DGKB: variants seen among roughly 807,000 people sequenced by gnomAD.
DGKB encodes the protein diacylglycerol kinase beta, also known as 90 kDa diacylglycerol kinase.
DGKB carries 67 observed loss-of-function variants against 114.3 expected under a neutral mutation model. The ratio of observed to expected loss-of-function variants is 0.59; its 90% confidence interval spans 0.48 to 0.72. The LOEUF (loss-of-function observed/expected upper bound fraction) is 0.72. DGKB is among the 30% of genes least tolerant of loss of function. The pLI is 0.00. For missense variants in DGKB, 907 were observed against 975.2 expected (o/e 0.93, Z 0.93); for synonymous variants, 398 against 323.1 (o/e 1.23, Z -2.49).
chr7:14,922,574 G>A (rs1278762143), intron 1 of DGKB, among the ~76,000 whole-genome samples: 1 of 151,996 alleles, frequency 6.6e-6, no homozygotes, highest in African/African-American at 2.4e-5. Flanking sequence ...TAACAGCAGG[G>A]TTTAGAAGAC....
At chr7:14,570,267 G>C (rs774448711) in intron 20 of DGKB, among the ~76,000 whole-genome samples, 3 of 151,724 alleles carry the variant, frequency 2.0e-5, no homozygotes, top group Non-Finnish European at 4.4e-5. Flanking sequence ...CTAACATTAC[G>C]AATTTTTGTT....
chr7:14,740,745 T>C (rs1175699703), intron 4 of DGKB, among the ~76,000 whole-genome samples: 1 of 152,024 alleles, frequency 6.6e-6, no homozygotes, highest in Non-Finnish European at 1.5e-5. Context: ...AGGCTACTTA[T>C]AGCAGGGGGA....
At chr7:14,885,531 G>A (rs1298714528) in intron 1 of DGKB, among the ~76,000 whole-genome samples, 1 of 151,742 alleles carries the variant, frequency 6.6e-6, no homozygotes, top group African/African-American at 2.4e-5. Flanking sequence ...GAAGGAGAAT[G>A]CAAGGAGTGT....
intron 23 of DGKB, among the ~76,000 whole-genome samples, chr7:14,249,316 G>A (rs1036112384): frequency 6.6e-6 from 1 of 152,134 alleles, no homozygotes; most frequent in African/African-American, 2.4e-5. Context: ...TTCTTGTAGT[G>A]TTTTTATCTG....
At chr7:14,720,819 A>C (rs1829049393) in intron 5 of DGKB, among the ~76,000 whole-genome samples, 1 of 151,796 alleles carries the variant, frequency 6.6e-6, no homozygotes. Flanking sequence ...GAACCAAAGA[A>C]GGCAGGGAAT....
chr7:14,753,599 T>C (rs986176818), intron 4 of DGKB, among the ~76,000 whole-genome samples: 2 of 152,156 alleles, frequency 1.3e-5, no homozygotes, highest in Non-Finnish European at 2.9e-5. Context: ...ATTAAGACTT[T>C]TACTAAATAA....
chr7:14,591,738 G>A (rs998735059), intron 17 of DGKB, among the ~76,000 whole-genome samples: 2 of 152,022 alleles, frequency 1.3e-5, no homozygotes, highest in Non-Finnish European at 2.9e-5. Context: ...CAAAAGAGCA[G>A]GTGGTGAAAT....
chr7:14,877,752 A>AT (rs987936646), intron 1 of DGKB, among the ~76,000 whole-genome samples: 1 of 152,188 alleles, frequency 6.6e-6, no homozygotes, highest in Admixed American at 6.5e-5. Context: ...TTGACTTCAA[A>AT]TTTTAACCTT....
intron 25 of DGKB, among the ~76,000 whole-genome samples, chr7:14,167,478 T>G (rs924504761): frequency 6.6e-6 from 1 of 151,942 alleles, no homozygotes; most frequent in Non-Finnish European, 1.5e-5. Flanking sequence ...AGAAACAATA[T>G]GAGAGCCCTG....
chr7:14,652,310 T>C (rs374584206), intron 13 of DGKB, among the ~76,000 whole-genome samples: 6 of 152,188 alleles, frequency 3.9e-5, no homozygotes, highest in South Asian at 4.1e-4. Flanking sequence ...AGATATAGAT[T>C]AATGGAACAG....
intron 20 of DGKB, among the ~76,000 whole-genome samples, chr7:14,479,277 A>G (rs1339940081): frequency 1.3e-5 from 2 of 152,174 alleles, no homozygotes; most frequent in Admixed American, 1.3e-4. Context: ...AAGTCTAATG[A>G]ATGAAATGAA....
intron 1 of DGKB, among the ~76,000 whole-genome samples, chr7:14,949,053 C>T (rs770670521): frequency 2.6e-4 from 39 of 151,748 alleles, no homozygotes; most frequent in Non-Finnish European, 5.0e-4. Context: ...AAGACATCTG[C>T]AACTCATATG....
At chr7:14,364,786 T>A (rs1263880821) in intron 21 of DGKB, among the ~76,000 whole-genome samples, 1 of 151,986 alleles carries the variant, frequency 6.6e-6, no homozygotes, top group Non-Finnish European at 1.5e-5. Context: ...CCATCTGCAC[T>A]CATGGTAAAT....
chr7:14,610,502 G>T (rs939396287), intron 16 of DGKB, among the ~76,000 whole-genome samples: 1 of 151,974 alleles, frequency 6.6e-6, no homozygotes, highest in African/African-American at 2.4e-5. Flanking sequence ...TAAAGTAAAA[G>T]TTGAAATTAA....
chr7:14,869,596 C>T (rs913413199), intron 1 of DGKB, among the ~76,000 whole-genome samples: 7 of 152,016 alleles, frequency 4.6e-5, no homozygotes, highest in African/African-American at 1.7e-4. Flanking sequence ...GAAATATAAT[C>T]AATCATACTT....
At chr7:14,731,096 T>A (rs917339354) in intron 5 of DGKB, among the ~76,000 whole-genome samples, 2 of 152,110 alleles carry the variant, frequency 1.3e-5, no homozygotes, top group Non-Finnish European at 1.5e-5. Context: ...TAACTAAATA[T>A]GGGAAGTGAC....
chr7:14,797,985 A>G (rs1841636977), intron 2 of DGKB, among the ~76,000 whole-genome samples: 1 of 152,208 alleles, frequency 6.6e-6, no homozygotes, highest in East Asian at 1.9e-4. Context: ...GAAAGCTCTC[A>G]GCAGGGAGAG....
chr7:14,639,097 A>T (rs1037425942), intron 13 of DGKB, among the ~76,000 whole-genome samples: 1 of 152,228 alleles, frequency 6.6e-6, no homozygotes, highest in Non-Finnish European at 1.5e-5. Context: ...GAGCATTTCG[A>T]TCTAGATGTA....
intron 21 of DGKB, among the ~76,000 whole-genome samples, chr7:14,395,962 T>C (rs1822149426): frequency 6.6e-6 from 1 of 152,070 alleles, no homozygotes; most frequent in Non-Finnish European, 1.5e-5. Context: ...TTATAAATTA[T>C]ACATTTGAAG....
Sources: allele counts gnomAD v4.1 joint callset (sites outside exome capture counted in the v4.1 genomes callset), GRCh38; gene constraint gnomAD v4.1.1; transcripts MANE v1.5; gene names NCBI Gene and HGNC (gene_info 2026-07-23, HGNC 2026-07-21).